The following EFCAB6 variants were observed in gnomAD, a reference collection of about 807,000 sequenced individuals.
EFCAB6 encodes EF-hand calcium binding domain 6.
A neutral mutation model predicts 169.8 loss-of-function variants in EFCAB6; 156 were observed. That is an observed-to-expected ratio of 0.92 (90% CI 0.81 to 1.05). The LOEUF (loss-of-function observed/expected upper bound fraction) is 1.05, where lower values mean the gene tolerates loss of function less well. Among genes scored for constraint, EFCAB6 ranks in the 50% least tolerant of loss-of-function variants. The probability of loss-of-function intolerance (pLI) is 0.00; values close to 1 mark genes in which losing one functional copy is unlikely to be tolerated. For synonymous variants in EFCAB6, 698 were observed against 676.4 expected (o/e 1.03, Z -0.50); for missense variants, 1,800 against 1,829.1 (o/e 0.98, Z 0.29).
At chr22:43,789,228 A>G (rs1292648755) in intron 2 of EFCAB6, among the ~76,000 whole-genome samples, 1 of 152,226 alleles carries the variant, frequency 6.6e-6, no homozygotes, top group Non-Finnish European at 1.5e-5. Flanking sequence ...ATATACTAAA[A>G]GAACACTGAA....
intron 26 of EFCAB6, 139 bp from the exon 27 acceptor site, chr22:43,555,235 G>A: frequency 2.3e-6 from 2 of 855,162 alleles, no homozygotes; most frequent in Non-Finnish European, 3.6e-6. Flanking sequence ...CAGCCTGGAG[G>A]TGGGTTCAGG....
chr22:43,631,526 C>T (rs1040550305), intron 19 of EFCAB6, among the ~76,000 whole-genome samples: 7 of 152,042 alleles, frequency 4.6e-5, no homozygotes, highest in Non-Finnish European at 7.3e-5. Context: ...TTAGGCCTTA[C>T]GATTCAGTGT....
chr22:43,625,942 G>C (rs372700161), intron 20 of EFCAB6, among the ~76,000 whole-genome samples: 9 of 152,350 alleles, frequency 5.9e-5, no homozygotes, highest in Admixed American at 6.5e-5. Flanking sequence ...TTGGACAGAG[G>C]ACAGGCTGTG....
At chr22:43,796,363 T>C (rs903240196) in intron 2 of EFCAB6, among the ~76,000 whole-genome samples, 8 of 152,174 alleles carry the variant, frequency 5.3e-5, no homozygotes, top group African/African-American at 7.2e-5. Context: ...AATTAAGTAA[T>C]TGTGTTTTGT....
chr22:43,690,216 C>T (rs1447932304), intron 10 of EFCAB6, among the ~76,000 whole-genome samples: 7 of 151,990 alleles, frequency 4.6e-5, no homozygotes, highest in East Asian at 3.9e-4. Context: ...AATGTAAATC[C>T]GGGCTGGGCG....
intron 24 of EFCAB6, among the ~76,000 whole-genome samples, chr22:43,588,339 T>A (rs2051219177): frequency 6.6e-6 from 1 of 152,188 alleles, no homozygotes; most frequent in Non-Finnish European, 1.5e-5. Flanking sequence ...AAAGAAAACT[T>A]TTTTTAAAAG....
chr22:43,661,101 G>A (rs187971850), intron 17 of EFCAB6, among the ~76,000 whole-genome samples: 5 of 152,290 alleles, frequency 3.3e-5, no homozygotes, highest in East Asian at 3.9e-4. Context: ...TCGGCTAGGC[G>A]CGGTGGCTCA....
intron 21 of EFCAB6, among the ~76,000 whole-genome samples, chr22:43,611,965 A>AT (rs1403221498): frequency 6.6e-6 from 1 of 152,224 alleles, no homozygotes; most frequent in Non-Finnish European, 1.5e-5. Context: ...AAACAGACAC[A>AT]TAGACCAGTG....
intron 17 of EFCAB6, among the ~76,000 whole-genome samples, chr22:43,648,654 C>A (rs1201951560): frequency 6.6e-6 from 1 of 152,292 alleles, no homozygotes; most frequent in East Asian, 1.9e-4. Context: ...CAAACCTCAG[C>A]ATTCTGCAAA....
chr22:43,566,276 G>T (rs1422737972), intron 26 of EFCAB6, among the ~76,000 whole-genome samples: 1 of 152,196 alleles, frequency 6.6e-6, no homozygotes, highest in Non-Finnish European at 1.5e-5. Context: ...AGGCTTTCTG[G>T]TGGCATAACT....
At position 43,789,847 on chromosome 22, in the gene EFCAB6, T is replaced by TCACACACACACACACA. The variant is rs34752280; in HGVS notation, c.-7-7538_-7-7523dup. On this transcript the variant is annotated intron_variant, in intron 2 of 31. Coordinates refer to ENST00000262726, the MANE Select transcript of EFCAB6 (RefSeq NM_022785.4). ...CTGAGGCTCCTAAGTTGGCTAACCTTCACACACACACACACACACACACAC... is the reference window on the plus strand; with the variant it reads ...CTGAGGCTCCTAAGTTGGCTAACCTTCACACACACACACACACACACACACACACACACACACACAC... Among the ~76,000 whole-genome samples, 1,284 of 143,352 alleles carry TCACACACACACACACA rather than the reference T, an allele frequency of 9.0e-3. 8 individuals are homozygous for TCACACACACACACACA. Among genetic ancestry groups the TCACACACACACACACA allele is most frequent in the Middle Eastern group, 0.042 (12 of 288 alleles). The allele number at this position is 143,352 out of a possible 152,430, so 94.0% of individuals were successfully genotyped here.
intron 10 of EFCAB6, among the ~76,000 whole-genome samples, chr22:43,706,628 G>T (rs1471420062): frequency 6.6e-6 from 1 of 152,206 alleles, no homozygotes; most frequent in African/African-American, 2.4e-5. Context: ...GGCCCAGATG[G>T]CAGACAAACA....
chr22:43,600,789 G>A lies in EFCAB6; in HGVS notation c.2682-526C>T, dbSNP rs756397566. Among the ~76,000 whole-genome samples, 33 of 152,102 alleles carry A rather than the reference G, an allele frequency of 2.2e-4. 1 individual carries two copies. Among genetic ancestry groups the A allele is most frequent in the South Asian group, 2.1e-4 (1 of 4,822 alleles). ...AGTGATTCTCCTGCCTCAGCCTCCC[G>A]AGTAGCTGGGATTACAGCGCCGGCC... On this transcript the variant is annotated intron_variant, in intron 22 of 31. Transcript: ENST00000262726.
intron 27 of EFCAB6, among the ~76,000 whole-genome samples, chr22:43,547,139 C>G (rs2048106464): frequency 1.3e-5 from 2 of 152,054 alleles, no homozygotes; most frequent in African/African-American, 4.8e-5. Flanking sequence ...AGATCTAAAA[C>G]AACAAATAAT....
intron 17 of EFCAB6, among the ~76,000 whole-genome samples, chr22:43,652,581 C>G (rs1326395727): frequency 6.6e-6 from 1 of 152,184 alleles, no homozygotes; most frequent in Non-Finnish European, 1.5e-5. Context: ...AATCCAGCCT[C>G]AAATCCACCA....
At chr22:43,531,192 A>T (rs943544490) in intron 30 of EFCAB6, among the ~76,000 whole-genome samples, 1 of 152,162 alleles carries the variant, frequency 6.6e-6, no homozygotes, top group Non-Finnish European at 1.5e-5. Flanking sequence ...TACATCAGCC[A>T]TCTCATTTAC....
At chr22:43,670,756 G>A (rs1435170065) in intron 15 of EFCAB6, among the ~76,000 whole-genome samples, 5 of 152,248 alleles carry the variant, frequency 3.3e-5, no homozygotes, top group Admixed American at 2.0e-4. Context: ...AGCTGGGAGA[G>A]ACTGTTCACT....
intron 18 of EFCAB6, among the ~76,000 whole-genome samples, chr22:43,633,304 CT>C (rs1378734771): frequency 1.3e-5 from 2 of 152,262 alleles, no homozygotes; most frequent in Non-Finnish European, 2.9e-5. Flanking sequence ...AATCCCAGCA[CT>C]TTGGGAGGCC....
chr22:43,580,627 T>G lies in EFCAB6; in HGVS notation c.3065A>C (p.Asn1022Thr), dbSNP rs1300382715. ...WGVSRHDNAI[N>T]YLDFLRAVEN... ...CACTGCTCTCAGGAAGTCGAGGTAA[T>G]TGATAGCATTATCATGCCGGCTGAC... The change falls in exon 25 of 32, where the codon AAT becomes ACT. Residue 1022 changes from asparagine to threonine, a missense_variant. By Grantham distance (65) the Asn-to-Thr change is moderately conservative (BLOSUM62 0). Transcript: ENST00000262726. 1.2e-6 allele frequency: 2 copies of G among 1,614,172 alleles called. No individual in the cohort carries two copies. Among genetic ancestry groups the G allele is most frequent in the Non-Finnish European group, 1.7e-6 (2 of 1,180,030 alleles).
Sources: allele counts gnomAD v4.1 joint callset (sites outside exome capture counted in the v4.1 genomes callset), GRCh38; gene constraint gnomAD v4.1.1; transcripts MANE v1.5; gene names NCBI Gene and HGNC (gene_info 2026-07-23, HGNC 2026-07-21).